The following NIP7 variants were observed in gnomAD, a reference collection of about 807,000 sequenced individuals.
The protein encoded by NIP7 is nucleolar pre-rRNA processing protein NIP7, also known as 60S ribosome subunit biogenesis protein NIP7 homolog.
A neutral mutation model predicts 20.1 loss-of-function variants in NIP7; 12 were observed. That is an observed-to-expected ratio of 0.60 (90% confidence interval 0.38 to 0.97). The LOEUF (loss-of-function observed/expected upper bound fraction) is 0.97, where lower values mean the gene tolerates loss of function less well. Among genes scored for constraint, NIP7 ranks in the 50% least tolerant of loss-of-function variants. NIP7 has a pLI of 0.00. For synonymous variants in NIP7, 103 were observed against 87.2 expected (o/e 1.18, Z -1.01); for missense variants, 226 against 226.6 (o/e 1.00, Z 0.02).
chr16:69,340,707 T>C (rs1461662167), intron 3 of NIP7: 2 of 231,524 alleles, frequency 8.6e-6, no homozygotes, highest in Admixed American at 5.0e-5. Context: ...TTTCTTGCTC[T>C]GTTTTTTCTT....
Position 69,341,597 on chromosome 16 carries a change from T to C in NIP7, c.488T>C (p.Val163Ala). 6.2e-7 allele frequency: 1 copy of C among 1,614,176 alleles called. No individual in the cohort carries two copies. Among genetic ancestry groups the C allele is most frequent in the Middle Eastern group, 1.6e-4 (1 of 6,062 alleles). Residue 163 changes from valine (V) to alanine (A), a missense_variant, in exon 5 of 5, where the codon GTA (valine) becomes GCA (alanine). Val to Ala is a moderately conservative substitution (Grantham distance 64, BLOSUM62 0). Coordinates refer to ENST00000254940, the MANE Select transcript of NIP7 (RefSeq NM_016101.5). The part of the protein sequence containing the change: ...CRKVDPMAIV[V>A]FHQADIGEYV... The stretch of plus-strand genomic sequence containing the variant: ...AAAGTAGACCCCATGGCGATTGTGG[T>C]ATTTCATCAAGCAGACATTGGGGAA...
In NIP7 at chr16:69,340,016, A is replaced by C; in HGVS notation, c.67A>C (p.Asn23His). 6.2e-7 allele frequency: 1 copy of C among 1,613,850 alleles called. No homozygotes were observed. The highest frequency in any genetic ancestry group is 8.5e-7 in the Non-Finnish European group (1 of 1,179,982). ...TCTTTTTGCCCTCAGCATTGGGGAG[A>C]ATCTTCAACTGCTGGTGGACCGGCC... ...FEKIAKYIGE[N>H]LQLLVDRPDG... The change falls in exon 2 of 5, where the codon AAT becomes CAT. Residue 23 changes from asparagine to histidine, a missense_variant. Physicochemically the swap from Asn to His is moderately conservative, Grantham distance 68. Transcript: ENST00000254940.
Position 69,339,860 on chromosome 16 carries a change from G to A in NIP7, c.31G>A (p.Val11Ile), listed in dbSNP as rs778901429. Residue 11 changes from valine to isoleucine, a missense_variant, in exon 1 of 5, where the codon GTC becomes ATC. Coordinates refer to ENST00000254940, the MANE Select transcript of NIP7 (RefSeq NM_016101.5). MRPLTEEETRVMFEKIAKYIG... is the reference protein window; with the variant it reads MRPLTEEETRIMFEKIAKYIG... ...GCCTTTGACTGAAGAGGAGACCCGT[G>A]TCATGTTTGAGAAGATAGCGAAATA... The A allele has an allele frequency of 3.7e-6, 6 of 1,613,980 alleles. No homozygotes were observed. The highest frequency in any genetic ancestry group is 5.1e-6 in the Non-Finnish European group (6 of 1,180,046).
Position 69,340,207 on chromosome 16 carries a change from A to G in NIP7, c.157A>G (p.Lys53Glu). The G allele has an allele frequency of 6.2e-7, 1 of 1,614,094 alleles. No individual in the cohort carries two copies. The highest frequency in any genetic ancestry group is 8.5e-7 in the Non-Finnish European group (1 of 1,180,016). The part of the protein sequence containing the change: ...RVYYVSEKIM[K>E]LAANISGDKL... ...TTACCCTTTTAGTGAGAAGATTATG[A>G]AGCTGGCCGCCAATATTTCCGGGGA... Residue 53 changes from lysine to glutamate, a missense_variant, in exon 3 of 5, where the codon AAG becomes GAG. Lys to Glu is a moderately conservative substitution (Grantham distance 56). Coordinates refer to ENST00000254940, the MANE Select transcript of NIP7 (RefSeq NM_016101.5).
At chr16:69,340,740 C>A (rs2012508306) in intron 3 of NIP7, 3 of 206,626 alleles carry the variant, frequency 1.5e-5, no homozygotes, top group South Asian at 1.8e-4. Context: ...TCTCTTTCTT[C>A]CTGACACAGT....
chr16:69,339,932 A>G (rs751989234), intron 1 of NIP7, 47 bp downstream of exon 1: 83 of 1,612,982 alleles, frequency 5.1e-5, no homozygotes, highest in Non-Finnish European at 6.8e-5. Context: ...TGTGGTGGCC[A>G]AGGGTGGAGT....
rs752861970 is a variant in NIP7, at chr16:69,340,179, C to T, written c.144-15C>T. 1.9e-6 allele frequency: 3 copies of T among 1,613,320 alleles called. No individual in the cohort carries two copies. The highest frequency in any genetic ancestry group is 1.3e-5 in the African/African-American group (1 of 74,320). ...CTCCTTCATCCGCAACCTTGCTCCC[C>T]CTTTACCCTTTTAGTGAGAAGATTA... On this transcript the variant is annotated splice_polypyrimidine_tract_variant and intron_variant, in intron 2 of 4. Coordinates refer to ENST00000254940, the MANE Select transcript of NIP7 (RefSeq NM_016101.5).
chr16:69,340,214 C>T lies in NIP7; in HGVS notation c.164C>T (p.Ala55Val). ...TTTAGTGAGAAGATTATGAAGCTGG[C>T]CGCCAATATTTCCGGGGACAAGCTG... ...YYVSEKIMKL[A>V]ANISGDKLVS... The change falls in exon 3 of 5, where the codon GCC (alanine) becomes GTC (valine). Residue 55 changes from alanine to valine, a missense_variant. Transcript: ENST00000254940. 1 of 1,614,162 alleles carries T rather than the reference C, an allele frequency of 6.2e-7. No individual in the cohort carries two copies. Among genetic ancestry groups the T allele is most frequent in the Non-Finnish European group, 8.5e-7 (1 of 1,180,036 alleles).
At chr16:69,340,356 T>C (rs201680806) in intron 3 of NIP7, 24 bp downstream of exon 3, 141 of 1,605,246 alleles carry the variant, frequency 8.8e-5, no homozygotes, top group Non-Finnish European at 1.1e-4. Context: ...TTTCCAATTC[T>C]GCCACGGGCG....
chr16:69,340,563 C>A, intron 3 of NIP7: 1 of 532,902 alleles, frequency 1.9e-6, no homozygotes, highest in Non-Finnish European at 3.3e-6. Context: ...CTAGGGAGAC[C>A]CAGCTAGAGA....
At chr16:69,340,758 T>G in intron 3 of NIP7, 1 of 206,194 alleles carries the variant, frequency 4.8e-6, no homozygotes, top group East Asian at 1.2e-4. Flanking sequence ...AGTTTCACTC[T>G]GTCGCCCAGG....
At position 69,340,100 on chromosome 16, in the gene NIP7, G is replaced by A; in HGVS notation, c.143+8G>A. On this transcript the variant is annotated splice_region_variant and intron_variant, in intron 2 of 4. Coordinates refer to ENST00000254940, the MANE Select transcript of NIP7 (RefSeq NM_016101.5). ...CCGGGTGTACTATGTGAGGTGAGGCGGGGCCGGGCAGGCAGCATGGACCCA... is the reference window on the plus strand; with the variant it reads ...CCGGGTGTACTATGTGAGGTGAGGCAGGGCCGGGCAGGCAGCATGGACCCA... The A allele has an allele frequency of 6.2e-7, 1 of 1,613,372 alleles. No individual in the cohort carries two copies. Among genetic ancestry groups the A allele is most frequent in the Non-Finnish European group, 8.5e-7 (1 of 1,179,988 alleles).
intron 2 of NIP7, 40 bp downstream of exon 2, chr16:69,340,132 AG>A: frequency 6.2e-7 from 1 of 1,612,260 alleles, no homozygotes; most frequent in Non-Finnish European, 8.5e-7. Context: ...CCCAGGGGAG[AG>A]GGGTCCTGGG....
At chr16:69,340,570 G>C (rs1244056192) in intron 3 of NIP7, 1 of 526,714 alleles carries the variant, frequency 1.9e-6, no homozygotes, top group Non-Finnish European at 3.3e-6. Context: ...GACCCAGCTA[G>C]AGATCAGAAA....
In NIP7 at chr16:69,340,045, T is replaced by C; in HGVS notation, c.96T>C (p.Asp32=). Residue 32 remains aspartate, a synonymous_variant, in exon 2 of 5, where the codon GAT becomes GAC. Coordinates refer to ENST00000254940, the MANE Select transcript of NIP7 (RefSeq NM_016101.5). ...ENLQLLVDRP[D]GTYCFRLHND... is the part of the protein sequence containing the mutation. ...TTCAACTGCTGGTGGACCGGCCCGA[T>C]GGCACCTACTGTTTCCGTCTGCACA... 1.2e-6 allele frequency: 2 copies of C among 1,614,056 alleles called. No homozygotes were observed. The highest frequency in any genetic ancestry group is 1.1e-5 in the South Asian group (1 of 91,078).
chr16:69,340,028 C>T lies in NIP7; in HGVS notation c.79C>T (p.Leu27=), dbSNP rs750691231. ...AKYIGENLQL[L]VDRPDGTYCF... is the part of the protein sequence containing the mutation. ...CAGCATTGGGGAGAATCTTCAACTG[C>T]TGGTGGACCGGCCCGATGGCACCTA... Residue 27 remains leucine (L), a synonymous_variant, in exon 2 of 5, where the codon CTG becomes TTG. Transcript: ENST00000254940. 2 of 1,614,114 alleles carry T rather than the reference C, an allele frequency of 1.2e-6. No individual in the cohort carries two copies. The highest frequency in any genetic ancestry group is 1.7e-6 in the Non-Finnish European group (2 of 1,180,020).
chr16:69,340,484 G>T, intron 3 of NIP7, 152 bp downstream of exon 3: 1 of 976,666 alleles, frequency 1.0e-6, no homozygotes, highest in Non-Finnish European at 1.5e-6. Flanking sequence ...CTTGAGCATG[G>T]TCAGGGCTAT....
Position 69,341,919 on chromosome 16 carries a change from G to C in NIP7, c.*267G>C, listed in dbSNP as rs1275080398. On this transcript the variant is annotated 3_prime_UTR_variant, in exon 5 of 5. Transcript: ENST00000254940. Reference sequence around the variant, plus strand: ...AGAGGGCTTCTTGTTCTGAGAAATAGGTTCAAAATCATTGGAACCAGGAAC... The same window carrying C: ...AGAGGGCTTCTTGTTCTGAGAAATACGTTCAAAATCATTGGAACCAGGAAC... The C allele has an allele frequency of 1.3e-5, 4 of 299,234 alleles. No homozygotes were observed. The highest frequency in any genetic ancestry group is 2.5e-5 in the Non-Finnish European group (4 of 161,276). The allele number at this position is 299,234 out of a possible 1,614,324, so 18.5% of individuals were successfully genotyped here.
chr16:69,341,346 G>C, intron 4 of NIP7, 26 bp downstream of exon 4: 1 of 1,611,628 alleles, frequency 6.2e-7, no homozygotes, highest in South Asian at 1.1e-5. Context: ...AGCTGTTACA[G>C]AACTCAAGTA....
Sources: gnomAD v4.1 joint callset for allele counts on GRCh38, gnomAD v4.1.1 for gene constraint, MANE v1.5 for transcripts, NCBI Gene and HGNC (gene_info 2026-07-23, HGNC 2026-07-21) for gene names.